The following NAALADL2 variants were observed in gnomAD, a reference collection of about 807,000 sequenced individuals.
NAALADL2 encodes inactive N-acetylated-alpha-linked acidic dipeptidase-like protein 2.
A neutral mutation model predicts 87.2 loss-of-function variants in NAALADL2; 76 were observed. The observed-to-expected ratio is 0.87, with a 90% CI of 0.72 to 1.05. The LOEUF is 1.05. Ranked by LOEUF, NAALADL2 falls within the 50% of genes least tolerant of loss-of-function variation. NAALADL2 has a pLI of 0.00. For missense variants in NAALADL2, 1,089 were observed against 945.8 expected (o/e 1.15, Z -1.99); for synonymous variants, 354 against 331.0 (o/e 1.07, Z -0.75).
chr3:174,507,454 G>A (rs116391047), intron 1 of NAALADL2, among the ~76,000 whole-genome samples: 143 of 151,726 alleles, frequency 9.4e-4, no homozygotes, highest in Middle Eastern at 3.4e-3. Flanking sequence ...TCTTATTTTT[G>A]TAATCACCCT....
chr3:175,384,843 T>C (rs558491675), intron 5 of NAALADL2, among the ~76,000 whole-genome samples: 1 of 151,942 alleles, frequency 6.6e-6, no homozygotes, highest in African/African-American at 2.4e-5. Context: ...AATCACTTCA[T>C]TGTTATTACC....
chr3:174,625,127 T>C lies in NAALADL2; in HGVS notation c.-115+74490T>C, dbSNP rs145571298. Among the ~76,000 whole-genome samples, 547 of 144,010 alleles carry C rather than the reference T, an allele frequency of 3.8e-3. 2 individuals are homozygous for C. Among genetic ancestry groups the C allele is most frequent in the African/African-American group, 0.013 (525 of 39,226 alleles). The allele number at this position is 144,010 out of a possible 152,430, so 94.5% of individuals were successfully genotyped here. On this transcript the variant is annotated intron_variant, in intron 2 of 3. Transcript: ENST00000434257. ...GGGCTAGAGGGCAGTGGTACAATCA[T>C]GGCTCACTGAAGCCTCAGCCTCCTA...
At chr3:175,278,151 T>C (rs1004773882) in intron 4 of NAALADL2, among the ~76,000 whole-genome samples, 1 of 152,050 alleles carries the variant, frequency 6.6e-6, no homozygotes, top group Admixed American at 6.6e-5. Flanking sequence ...AATAATTTAG[T>C]GCATTTGTGT....
At chr3:174,787,694 A>C (rs1441037602) in intron 3 of NAALADL2, among the ~76,000 whole-genome samples, 1 of 145,378 alleles carries the variant, frequency 6.9e-6, no homozygotes, top group African/African-American at 2.5e-5. Context: ...GAAATAAAGA[A>C]AAGAGAAGTG....
chr3:175,036,312 A>G (rs552380222), intron 1 of NAALADL2, among the ~76,000 whole-genome samples: 2 of 152,332 alleles, frequency 1.3e-5, no homozygotes, highest in East Asian at 3.9e-4. Flanking sequence ...TTTTAAAAAT[A>G]ACAAAATAAT....
chr3:174,869,675 C>T (rs560534550), intron 1 of NAALADL2, among the ~76,000 whole-genome samples: 2 of 152,110 alleles, frequency 1.3e-5, no homozygotes, highest in African/African-American at 4.8e-5. Flanking sequence ...GATCGGCTAG[C>T]CGCAGCTGCA....
At chr3:174,500,346 A>G (rs73881183) in intron 1 of NAALADL2, among the ~76,000 whole-genome samples, 2,474 of 152,282 alleles carry the variant, frequency 0.016, 64 homozygotes, top group African/African-American at 0.057. Flanking sequence ...TATCTGTAAT[A>G]GATGATCATG....
intron 2 of NAALADL2, among the ~76,000 whole-genome samples, chr3:174,712,865 C>T (rs1003407306): frequency 1.4e-4 from 21 of 151,892 alleles, no homozygotes; most frequent in African/African-American, 4.4e-4. Context: ...AGGTTAGTTA[C>T]GTATGTATAC....
chr3:175,532,596 T>G (rs2149447341), intron 9 of NAALADL2, among the ~76,000 whole-genome samples: 1 of 152,306 alleles, frequency 6.6e-6, no homozygotes, highest in African/African-American at 2.4e-5. Context: ...AATTTTACTT[T>G]TAGGAACACT....
intron 2 of NAALADL2, among the ~76,000 whole-genome samples, chr3:175,173,948 G>T (rs1203464338): frequency 8.0e-6 from 1 of 125,732 alleles, no homozygotes; most frequent in Admixed American, 9.1e-5. Context: ...TGCTTTTAAG[G>T]ATGATTCTTC....
At chr3:174,869,271 G>C (rs1411154547) in intron 1 of NAALADL2, among the ~76,000 whole-genome samples, 30 of 152,076 alleles carry the variant, frequency 2.0e-4, no homozygotes, top group Admixed American at 2.0e-3. Context: ...TAAAGCCCTG[G>C]GAAATGACCA....
chr3:175,135,458 G>T (rs1011644994), intron 2 of NAALADL2, among the ~76,000 whole-genome samples: 11 of 152,052 alleles, frequency 7.2e-5, no homozygotes, highest in African/African-American at 2.4e-4. Flanking sequence ...TAGAGTAAGC[G>T]TGTGTAAATA....
chr3:175,160,279 A>G (rs943222911), intron 2 of NAALADL2, among the ~76,000 whole-genome samples: 3 of 151,102 alleles, frequency 2.0e-5, no homozygotes, highest in African/African-American at 7.2e-5. Flanking sequence ...TTGTTTTACA[A>G]GGGGCTAAAT....
intron 1 of NAALADL2, chr3:174,536,815 A>G (rs1578115326): frequency 6.6e-6 from 1 of 152,204 alleles, no homozygotes; most frequent in South Asian, 2.1e-4. Context: ...GTTTACATAC[A>G]TATTTTGTCA....
At chr3:174,707,739 A>G (rs1314671066) in intron 2 of NAALADL2, among the ~76,000 whole-genome samples, 1 of 152,074 alleles carries the variant, frequency 6.6e-6, no homozygotes, top group Non-Finnish European at 1.5e-5. Context: ...GCATATGTAT[A>G]CATATGTAAA....
At chr3:175,667,213 AAGAAAG>A (rs1160655458) in intron 11 of NAALADL2, among the ~76,000 whole-genome samples, 3 of 124,238 alleles carry the variant, frequency 2.4e-5, no homozygotes, top group Non-Finnish European at 4.6e-5. Flanking sequence ...GAAAGAAAGA[AAGAAAG>A]AAAGAAAGAA....
At chr3:174,654,518 A>C (rs75515709) in intron 2 of NAALADL2, among the ~76,000 whole-genome samples, 2 of 151,912 alleles carry the variant, frequency 1.3e-5, no homozygotes, top group African/African-American at 4.8e-5. Context: ...GAGATCTGGC[A>C]AAAAAAATCT....
In NAALADL2 at chr3:175,467,033, A is replaced by T; in HGVS notation, c.1382A>T (p.Gln461Leu). The change falls in exon 8 of 14, where the codon CAA (glutamine) becomes CTA (leucine). Residue 461 changes from glutamine to leucine, a missense_variant. By Grantham distance (113) the Gln-to-Leu change is moderately radical. Coordinates refer to ENST00000454872, the MANE Select transcript of NAALADL2 (RefSeq NM_207015.3). ...HHHTAHSYNG[Q>L]EWASSTAIIT... is the part of the protein sequence containing the mutation. Reference sequence around the variant, plus strand: ...CACACTGCACACAGTTATAATGGACAAGAATGGGCCAGTAGTACTGCAATA... The same window carrying T: ...CACACTGCACACAGTTATAATGGACTAGAATGGGCCAGTAGTACTGCAATA... 1 of 1,613,904 alleles carries T rather than the reference A, an allele frequency of 6.2e-7. No individual in the cohort carries two copies. The highest frequency in any genetic ancestry group is 1.1e-5 in the South Asian group (1 of 91,078).
intron 1 of NAALADL2, among the ~76,000 whole-genome samples, chr3:175,008,721 C>T (rs969272496): frequency 4.6e-5 from 7 of 151,652 alleles, no homozygotes; most frequent in African/African-American, 1.7e-4. Context: ...TACCCTACAA[C>T]GTTATAGGGT....
Sources: gnomAD v4.1 joint callset for allele counts (sites outside exome capture counted in the v4.1 genomes callset) on GRCh38, gnomAD v4.1.1 for gene constraint, MANE v1.5 for transcripts, NCBI Gene and HGNC (gene_info 2026-07-23, HGNC 2026-07-21) for gene names.